Variants in EDDM3A observed in about 807,000 individuals in gnomAD.
The protein encoded by EDDM3A is epididymal secretory protein E3-alpha.
For missense variants in EDDM3A, 199 were observed against 177.4 expected (o/e 1.12, Z -0.69); for synonymous variants, 75 against 60.4 (o/e 1.24, Z -1.12).
At chr14:20,739,105 A>C in the EDDM3A span, among the ~76,000 whole-genome samples, 3 of 152,232 alleles carry the variant, frequency 2.0e-5, no homozygotes, top group African/African-American at 7.2e-5. Context: ...TTTACGTTAC[A>C]GAGCATACCT....
chr14:20,738,674 A>C, the EDDM3A span, among the ~76,000 whole-genome samples: 1 of 152,280 alleles, frequency 6.6e-6, no homozygotes, highest in Admixed American at 6.5e-5. Context: ...AGATTAACGG[A>C]AGAAAAACAA....
chr14:20,741,265 G>C, upstream of EDDM3A, among the ~76,000 whole-genome samples: 1 of 152,158 alleles, frequency 6.6e-6, no homozygotes, highest in Non-Finnish European at 1.5e-5. Flanking sequence ...ACTGATATTG[G>C]TCCGAAGGCC....
chr14:20,743,939 GA>G (rs1170206975), upstream of EDDM3A, among the ~76,000 whole-genome samples: 3 of 103,202 alleles, frequency 2.9e-5, no homozygotes, highest in Non-Finnish European at 6.2e-5. Flanking sequence ...TGGAGTCCAT[GA>G]TTTTTTTTCC....
the EDDM3A span, among the ~76,000 whole-genome samples, chr14:20,739,817 C>T: frequency 2.6e-5 from 4 of 152,300 alleles, no homozygotes; most frequent in African/African-American, 4.8e-5. Context: ...CCTGCAGCTG[C>T]TAACTAACCA....
At chr14:20,743,278 G>A (rs182534634), upstream of EDDM3A, among the ~76,000 whole-genome samples, 53 of 152,244 alleles carry the variant, frequency 3.5e-4, no homozygotes, top group Non-Finnish European at 4.9e-4. Flanking sequence ...GGCTTGGTGC[G>A]GTGGCTCACG....
upstream of EDDM3A, among the ~76,000 whole-genome samples, chr14:20,743,997 A>G (rs1036554438): frequency 3.9e-5 from 6 of 152,128 alleles, no homozygotes; most frequent in Non-Finnish European, 8.8e-5. Context: ...TGGCTCATAC[A>G]TTGGCTCAGG....
the EDDM3A span, among the ~76,000 whole-genome samples, chr14:20,738,470 A>AAAATAAATAAATAAAT: frequency 2.1e-4 from 30 of 143,282 alleles, no homozygotes; most frequent in Non-Finnish European, 3.1e-4. Flanking sequence ...ACTCTGTCTC[A>AAAATAAATAAATAAAT]AAATAAATAA....
the EDDM3A span, among the ~76,000 whole-genome samples, chr14:20,737,923 G>A: frequency 1.3e-5 from 2 of 152,216 alleles, no homozygotes; most frequent in Non-Finnish European, 2.9e-5. Flanking sequence ...AGTAACTTGT[G>A]TTCTTCAGCG....
the EDDM3A span, among the ~76,000 whole-genome samples, chr14:20,740,405 C>T: frequency 4.4e-3 from 665 of 152,328 alleles, 30 homozygotes; most frequent in East Asian, 0.1. Context: ...AGCTCAGGCT[C>T]ACTTGCAGGG....
rs540725257 is a variant in EDDM3A, at chr14:20,747,307, G to A, written c.-26-248G>A. ...GATGGGGTTTCACCATGTTGGCCAC[G>A]GTGTTTCTCGAACTCCTGACCTCAG... On this transcript the variant is annotated intron_variant, in intron 1 of 1. Coordinates refer to ENST00000326842, the MANE Select transcript of EDDM3A (RefSeq NM_006683.5). Among the ~76,000 whole-genome samples, 14 of 151,984 alleles carry A rather than the reference G, an allele frequency of 9.2e-5. No individual in the cohort carries two copies. The South Asian group carries it at 1.0e-3, about 11-fold the overall frequency.
chr14:20,744,532 T>C (rs1877526235), upstream of EDDM3A, among the ~76,000 whole-genome samples: 1 of 152,204 alleles, frequency 6.6e-6, no homozygotes, highest in Non-Finnish European at 1.5e-5. Context: ...TGTGGGGAGT[T>C]GGCATGGAAA....
chr14:20,741,236 G>C (rs55919363), upstream of EDDM3A, among the ~76,000 whole-genome samples: 6,875 of 152,212 alleles, frequency 0.045, 543 homozygotes, highest in African/African-American at 0.16. Flanking sequence ...GACTGCATTT[G>C]GAAGTGTTCA....
At chr14:20,742,573 T>G (rs183207735), upstream of EDDM3A, among the ~76,000 whole-genome samples, 13 of 152,024 alleles carry the variant, frequency 8.6e-5, no homozygotes, top group East Asian at 1.2e-3. Context: ...GGTTTTGGGT[T>G]TTTTTTTAGT....
intron 1 of EDDM3A, among the ~76,000 whole-genome samples, chr14:20,746,391 C>T (rs1877588736): frequency 6.6e-6 from 1 of 152,168 alleles, no homozygotes; most frequent in African/African-American, 2.4e-5. Context: ...CACCGATACT[C>T]AGAGCTATGA....
At chr14:20,743,489 C>T (rs1566348018), upstream of EDDM3A, among the ~76,000 whole-genome samples, 1 of 152,046 alleles carries the variant, frequency 6.6e-6, no homozygotes, top group Non-Finnish European at 1.5e-5. Context: ...GGCAGAGGTT[C>T]CAGTGAGCTG....
intron 1 of EDDM3A, among the ~76,000 whole-genome samples, chr14:20,746,476 C>T (rs567139603): frequency 5.9e-5 from 9 of 152,272 alleles, no homozygotes; most frequent in African/African-American, 2.2e-4. Flanking sequence ...AAAGAGATAA[C>T]TTTTTCAAAC....
the EDDM3A span, among the ~76,000 whole-genome samples, chr14:20,736,573 T>C: frequency 3.3e-5 from 5 of 152,238 alleles, no homozygotes; most frequent in East Asian, 1.9e-4. Context: ...CTTATGGTAG[T>C]TGCTCAGTAA....
At chr14:20,741,220 T>C (rs1877425926), upstream of EDDM3A, among the ~76,000 whole-genome samples, 1 of 152,184 alleles carries the variant, frequency 6.6e-6, no homozygotes, top group South Asian at 2.1e-4. Flanking sequence ...CCCTTCAAGT[T>C]TTCTGGACTG....
rs1001231785 is a variant in EDDM3A at position 20,747,912 on chromosome 14, A to T, written c.332A>T (p.Asn111Ile). 3.7e-6 allele frequency: 6 copies of T among 1,614,102 alleles called. 1 individual carries two copies. The highest frequency in any genetic ancestry group is 2.7e-5 in the African/African-American group (2 of 74,934). ...KVLECHWEKYNNRYTESRSFS... is the reference protein window; with the variant it reads ...KVLECHWEKYINRYTESRSFS... Reference sequence around the variant, plus strand: ...CTCGAGTGTCACTGGGAGAAGTACAACAATAGGTACACAGAGAGCAGAAGC... The same window carrying T: ...CTCGAGTGTCACTGGGAGAAGTACATCAATAGGTACACAGAGAGCAGAAGC... Residue 111 changes from asparagine (N) to isoleucine (I), a missense_variant, in exon 2 of 2, where the codon AAC (asparagine) becomes ATC (isoleucine). Transcript: ENST00000326842.
Sources: allele counts gnomAD v4.1 joint callset (sites outside exome capture counted in the v4.1 genomes callset), GRCh38; gene constraint gnomAD v4.1.1; transcripts MANE v1.5; gene names NCBI Gene and HGNC (gene_info 2026-07-23, HGNC 2026-07-21).